Variants in MON2 observed in about 807,000 individuals in gnomAD.
MON2 encodes protein MON2 homolog.
Under a neutral mutation model 208.6 loss-of-function variants are expected in MON2, and 84 were observed. The observed-to-expected ratio is 0.40, with a 90% CI of 0.34 to 0.48. The LOEUF is 0.48. MON2 is among the 20% of genes least tolerant of loss of function. The pLI is 0.59. For synonymous variants in MON2, 660 were observed against 694.0 expected, an observed-to-expected ratio of 0.95 and a Z score of 0.77; for missense variants, 1,611 against 2,015.4, an observed-to-expected ratio of 0.80 and a Z score of 3.84.
intron 24 of MON2, chr12:62,553,377 G>A: frequency 2.1e-6 from 1 of 479,840 alleles, no homozygotes; most frequent in East Asian, 3.4e-5. Context: ...CTCTGTTTCT[G>A]TCTTCATCTC....
intron 5 of MON2, among the ~76,000 whole-genome samples, chr12:62,499,885 T>C (rs113471494): frequency 1.3e-5 from 2 of 151,266 alleles, no homozygotes; most frequent in Non-Finnish European, 3.0e-5. Context: ...AAAAAAAAAA[T>C]TTTTTTTAAA....
At chr12:62,540,826 A>G (rs2073198720) in intron 19 of MON2, among the ~76,000 whole-genome samples, 1 of 152,222 alleles carries the variant, frequency 6.6e-6, no homozygotes, top group African/African-American at 2.4e-5. Flanking sequence ...ATATTTTTAG[A>G]TGGAGGCTAT....
chr12:62,590,202 C>T (rs1036133798), intron 34 of MON2, among the ~76,000 whole-genome samples: 3 of 152,020 alleles, frequency 2.0e-5, no homozygotes, highest in Non-Finnish European at 4.4e-5. Flanking sequence ...GCGATCCTCC[C>T]GTCTTAGCCT....
chr12:62,538,572 A>G (rs1049314531), intron 19 of MON2, 67 bp downstream of exon 19: 2 of 1,101,596 alleles, frequency 1.8e-6, no homozygotes, highest in African/African-American at 1.6e-5. Context: ...ATCCATTATG[A>G]TCTTAGTGTT....
intron 1 of MON2, among the ~76,000 whole-genome samples, chr12:62,472,389 A>C (rs2068836091): frequency 6.6e-6 from 1 of 152,242 alleles, no homozygotes; most frequent in South Asian, 2.1e-4. Context: ...GGTGGTCAGA[A>C]TTAGGGAATT....
Position 62,538,183 on chromosome 12 carries a change from T to C in MON2, c.2199+7T>C. 6.2e-7 allele frequency: 1 copy of C among 1,613,022 alleles called. No homozygotes were observed. The highest frequency in any genetic ancestry group is 8.5e-7 in the Non-Finnish European group (1 of 1,179,102). On this transcript the variant is annotated splice_region_variant and intron_variant, in intron 17 of 34. Coordinates refer to ENST00000393630, the MANE Select transcript of MON2 (RefSeq NM_015026.3). ...TGTAGAAGGACCCAGTACAGTAAGCTCTAGTCTTTCTTACCCAATTAGTGC... is the reference window on the plus strand; with the variant it reads ...TGTAGAAGGACCCAGTACAGTAAGCCCTAGTCTTTCTTACCCAATTAGTGC...
At chr12:62,588,707 C>G in intron 34 of MON2, 2 of 480,086 alleles carry the variant, frequency 4.2e-6, no homozygotes, top group Non-Finnish European at 7.2e-6. Context: ...TTTACCGTTT[C>G]CTACCAAATT....
At chr12:62,469,878 A>ATTT (rs1166736071) in intron 1 of MON2, among the ~76,000 whole-genome samples, 9 of 141,006 alleles carry the variant, frequency 6.4e-5, no homozygotes, top group Admixed American at 7.7e-5. Context: ...GTGCTTGACT[A>ATTT]TTATTTTATT....
At chr12:62,554,708 C>G (rs907613971) in intron 24 of MON2, among the ~76,000 whole-genome samples, 7 of 152,074 alleles carry the variant, frequency 4.6e-5, no homozygotes, top group Non-Finnish European at 1.5e-5. Flanking sequence ...ATTGCCCCGG[C>G]TGTTCTCAAA....
intron 26 of MON2, among the ~76,000 whole-genome samples, chr12:62,562,516 T>C (rs1346876014): frequency 2.6e-5 from 4 of 152,106 alleles, no homozygotes; most frequent in Non-Finnish European, 1.5e-5. Flanking sequence ...CATTGTTGTG[T>C]TGTATGATTA....
chr12:62,479,431 T>TTC (rs2069271782), intron 1 of MON2, among the ~76,000 whole-genome samples: 9 of 117,134 alleles, frequency 7.7e-5, no homozygotes, highest in East Asian at 3.3e-4. Context: ...TGTGTGTATA[T>TTC]CCCCCCCCCC....
At chr12:62,535,063 T>A in intron 13 of MON2, 137 bp downstream of exon 13, 1 of 629,944 alleles carries the variant, frequency 1.6e-6, no homozygotes, top group Non-Finnish European at 2.7e-6. Flanking sequence ...TCTTTTTCCC[T>A]CATCCCCCTT....
At chr12:62,592,277 A>G (rs1222772811) in intron 34 of MON2, among the ~76,000 whole-genome samples, 2 of 152,192 alleles carry the variant, frequency 1.3e-5, no homozygotes, top group African/African-American at 4.8e-5. Context: ...AAAAATGACA[A>G]AGGTTTGGAT....
chr12:62,587,370 T>G (rs2136493337), intron 33 of MON2, among the ~76,000 whole-genome samples: 1 of 140,360 alleles, frequency 7.1e-6, no homozygotes, highest in African/African-American at 2.5e-5. Context: ...CTTTTAGTAC[T>G]AATTAGTTTA....
At chr12:62,492,215 A>G (rs1191304161) in intron 2 of MON2, among the ~76,000 whole-genome samples, 7 of 152,224 alleles carry the variant, frequency 4.6e-5, no homozygotes, top group South Asian at 2.1e-4. Context: ...GATTTAAATG[A>G]TAAAATTAAT....
At chr12:62,521,507 A>G (rs565699596) in intron 8 of MON2, among the ~76,000 whole-genome samples, 132 of 152,252 alleles carry the variant, frequency 8.7e-4, no homozygotes, top group Middle Eastern at 6.8e-3. Flanking sequence ...ACCACCTGAA[A>G]TGGTCTCAGG....
In MON2 at chr12:62,593,949, T is replaced by C. The variant is rs2136528174; in HGVS notation, c.*1200T>C. 1 of 152,326 alleles carries C rather than the reference T, an allele frequency of 6.6e-6. No homozygotes were observed. The highest frequency in any genetic ancestry group is 2.4e-5 in the African/African-American group (1 of 41,594). 9.4% of individuals were successfully genotyped at this position (152,326 alleles called of 1,614,324 possible). ...AACTTGCTGTCACGGAGTAAAATGC[T>C]AATTATGTTTCACTTTCCTAGCCTA... is the stretch of plus-strand genomic sequence containing the variant. On this transcript the variant is annotated 3_prime_UTR_variant, in exon 35 of 35. Transcript: ENST00000393630.
At chr12:62,566,921 C>T (rs1008580291) in intron 29 of MON2, among the ~76,000 whole-genome samples, 2 of 152,204 alleles carry the variant, frequency 1.3e-5, no homozygotes, top group Non-Finnish European at 2.9e-5. Context: ...CATTTTCCCA[C>T]ATAACCCAGT....
At position 62,585,497 on chromosome 12, in the gene MON2, C is replaced by T. The variant is rs1298768949; in HGVS notation, c.4903C>T (p.Pro1635Ser). 6.3e-7 allele frequency: 1 copy of T among 1,587,180 alleles called. No individual in the cohort carries two copies. The highest frequency in any genetic ancestry group is 1.1e-5 in the South Asian group (1 of 89,288). Residue 1635 changes from proline to serine, a missense_variant, in exon 33 of 35, where the codon CCA becomes TCA. Pro to Ser is a moderately conservative substitution (Grantham distance 74). Coordinates refer to ENST00000393630, the MANE Select transcript of MON2 (RefSeq NM_015026.3). The stretch of plus-strand genomic sequence containing the variant: ...AAGATTAAGTGGTAAATGCCCTCTT[C>T]CAAGGTATATATTTCATTTTATTAA... The part of the protein sequence containing the change: ...DERLSGKCPL[P>S]RQQVTEIIFV...
Sources: allele counts gnomAD v4.1 joint callset (sites outside exome capture counted in the v4.1 genomes callset), GRCh38; gene constraint gnomAD v4.1.1; transcripts MANE v1.5; gene names NCBI Gene and HGNC (gene_info 2026-07-23, HGNC 2026-07-21).